Variants in BMAL2 observed in about 807,000 individuals in gnomAD.
BMAL2 encodes the protein basic helix-loop-helix ARNT like 2.
At chr12:27,346,383 C>T in the BMAL2 span, among the ~76,000 whole-genome samples, 3 of 152,278 alleles carry the variant, frequency 2.0e-5, 1 homozygote, top group African/African-American at 7.2e-5. Flanking sequence ...GTGTCAGCCT[C>T]CTGAGTAGCT....
chr12:27,404,260 A>T, the BMAL2 span, among the ~76,000 whole-genome samples: 1 of 150,796 alleles, frequency 6.6e-6, no homozygotes, highest in Non-Finnish European at 1.5e-5. Context: ...TCACATTAAA[A>T]TATCTAGAAA....
the BMAL2 span, among the ~76,000 whole-genome samples, chr12:27,418,646 G>A: frequency 4.7e-5 from 7 of 150,290 alleles, no homozygotes; most frequent in Non-Finnish European, 1.0e-4. Flanking sequence ...TTTTTTGTTC[G>A]AAATTCTAAA....
the BMAL2 span, among the ~76,000 whole-genome samples, chr12:27,367,079 T>C: frequency 2.6e-5 from 4 of 152,340 alleles, no homozygotes; most frequent in South Asian, 6.2e-4. Context: ...AAATTCAGCA[T>C]AGTAAGAGAT....
At chr12:27,333,218 C>T in the BMAL2 span, 27 of 994,584 alleles carry the variant, frequency 2.7e-5, no homozygotes, top group Non-Finnish European at 3.1e-5. Context: ...AGCGCCCGCG[C>T]CTGTCCTCTC....
At chr12:27,376,266 AATCTCAC>A in the BMAL2 span, 15 of 1,269,654 alleles carry the variant, frequency 1.2e-5, no homozygotes, top group East Asian at 3.5e-4. Context: ...GATTGGACTT[AATCTCAC>A]ATCTATTTCT....
chr12:27,338,470 C>CAA, the BMAL2 span, among the ~76,000 whole-genome samples: 2 of 124,458 alleles, frequency 1.6e-5, no homozygotes, highest in Admixed American at 1.6e-4. Flanking sequence ...GAGAGGCAGC[C>CAA]AAAAAAAAAA....
the BMAL2 span, chr12:27,380,417 A>G: frequency 6.2e-7 from 1 of 1,613,886 alleles, no homozygotes; most frequent in Admixed American, 1.7e-5. Flanking sequence ...GAGTTTGACG[A>G]TGGCTTCCAC....
the BMAL2 span, among the ~76,000 whole-genome samples, chr12:27,388,693 G>A: frequency 6.6e-6 from 1 of 152,188 alleles, no homozygotes; most frequent in East Asian, 1.9e-4. Context: ...TGGGGATGCT[G>A]TGCCTTTTGG....
the BMAL2 span, among the ~76,000 whole-genome samples, chr12:27,333,660 C>T: frequency 6.6e-6 from 1 of 152,242 alleles, no homozygotes; most frequent in African/African-American, 2.4e-5. Flanking sequence ...GGCAGGTGCG[C>T]GTGGACGCGG....
At chr12:27,346,423 C>T in the BMAL2 span, among the ~76,000 whole-genome samples, 69,254 of 151,874 alleles carry the variant, frequency 0.46, 15,998 homozygotes, top group Admixed American at 0.52. Context: ...CCACTGTGCC[C>T]GGCTAATTTT....
the BMAL2 span, among the ~76,000 whole-genome samples, chr12:27,389,510 G>A: frequency 6.6e-6 from 1 of 152,074 alleles, no homozygotes; most frequent in South Asian, 2.1e-4. Context: ...TTGATATGAA[G>A]ATGCTTTGGG....
the BMAL2 span, among the ~76,000 whole-genome samples, chr12:27,392,490 A>T: frequency 1.4e-5 from 2 of 142,904 alleles, no homozygotes; most frequent in African/African-American, 5.2e-5. Context: ...TGGCCGTATG[A>T]TGTGAAAATA....
the BMAL2 span, among the ~76,000 whole-genome samples, chr12:27,360,803 C>CAAAAAAAAAAAAGA: frequency 2.1e-5 from 1 of 46,788 alleles, no homozygotes; most frequent in Admixed American, 4.1e-4. Flanking sequence ...GTGATTTGTC[C>CAAAAAAAAAAAAGA]AAAAAAAAAA....
the BMAL2 span, among the ~76,000 whole-genome samples, chr12:27,392,237 G>C: frequency 6.6e-5 from 10 of 152,110 alleles, no homozygotes; most frequent in Admixed American, 6.5e-4. Context: ...CCCAATAATA[G>C]GGTTGTTACC....
chr12:27,418,038 C>T, the BMAL2 span: 4 of 1,171,992 alleles, frequency 3.4e-6, no homozygotes, highest in East Asian at 2.4e-5. Flanking sequence ...TAAAGAGTGT[C>T]CTTATTCTAG....
At chr12:27,396,160 C>T in the BMAL2 span, among the ~76,000 whole-genome samples, 2 of 152,184 alleles carry the variant, frequency 1.3e-5, no homozygotes, top group African/African-American at 2.4e-5. Flanking sequence ...AATTTTGTTA[C>T]GACAACCTGA....
chr12:27,376,855 C>G, the BMAL2 span, among the ~76,000 whole-genome samples: 1 of 151,852 alleles, frequency 6.6e-6, no homozygotes, highest in Non-Finnish European at 1.5e-5. Flanking sequence ...AAAAAATTAG[C>G]CGGGCGTGGT....
At chr12:27,341,662 C>G in the BMAL2 span, among the ~76,000 whole-genome samples, 33 of 152,324 alleles carry the variant, frequency 2.2e-4, no homozygotes, top group Admixed American at 7.2e-4. Context: ...GTTCTACCAT[C>G]CCCATCACTC....
the BMAL2 span, among the ~76,000 whole-genome samples, chr12:27,371,729 CACAT>C: frequency 0.47 from 71,081 of 149,938 alleles, 17,287 homozygotes; most frequent in African/African-American, 0.62. Flanking sequence ...CACACACACA[CACAT>C]ATATATATAA....
Sources: gnomAD v4.1 joint callset for allele counts (sites outside exome capture counted in the v4.1 genomes callset) on GRCh38, gnomAD v4.1.1 for gene constraint, MANE v1.5 for transcripts, NCBI Gene and HGNC (gene_info 2026-07-23, HGNC 2026-07-21) for gene names.